The following LHFPL4 variants were observed in gnomAD, a reference collection of about 807,000 sequenced individuals.
LHFPL4 encodes LHFPL tetraspan subfamily member 4 protein.
Under a neutral mutation model 20.0 loss-of-function variants are expected in LHFPL4, and 6 were observed. That is an observed-to-expected ratio of 0.30 (90% CI 0.16 to 0.59). The LOEUF is 0.59. Among genes scored for constraint, LHFPL4 ranks in the 20% least tolerant of loss-of-function variants. LHFPL4 has a pLI of 0.88. For synonymous variants in LHFPL4, 129 were observed against 143.8 expected, an observed-to-expected ratio of 0.90 and a Z score of 0.74; for missense variants, 215 against 331.2, an observed-to-expected ratio of 0.65 and a Z score of 2.72.
intron 2 of LHFPL4, among the ~76,000 whole-genome samples, chr3:9,545,004 C>T (rs920121953): frequency 3.9e-5 from 6 of 152,074 alleles, no homozygotes; most frequent in African/African-American, 1.2e-4. Flanking sequence ...CTATGAGCTC[C>T]CTGGGAGCAA....
At chr3:9,523,555 C>A (rs1226838925) in intron 2 of LHFPL4, among the ~76,000 whole-genome samples, 6 of 151,676 alleles carry the variant, frequency 4.0e-5, no homozygotes, top group African/African-American at 1.2e-4. Flanking sequence ...TCACTGCAAC[C>A]TCCGCCTCCC....
rs151121192 is a variant in LHFPL4 at position 9,541,220 on chromosome 3, G to T, written c.406+11054C>A. Among the ~76,000 whole-genome samples the T allele has an allele frequency of 5.5e-3, 841 of 152,168 alleles. 1 individual carries two copies. Among genetic ancestry groups the T allele is most frequent in the Non-Finnish European group, 9.7e-3 (657 of 68,018 alleles). On this transcript the variant is annotated intron_variant, in intron 2 of 3. Coordinates refer to ENST00000287585, the MANE Select transcript of LHFPL4 (RefSeq NM_198560.3). ...GCCTCCCAAAGTGCTGGGGTTACAG[G>T]CGTGAGCCACCGCACCCGGCAAAAT...
chr3:9,513,163 T>C (rs1481505032), intron 2 of LHFPL4, among the ~76,000 whole-genome samples: 1 of 152,134 alleles, frequency 6.6e-6, no homozygotes, highest in African/African-American at 2.4e-5. Context: ...GGTTTCACCG[T>C]GTTAACCAGG....
intron 2 of LHFPL4, among the ~76,000 whole-genome samples, chr3:9,534,590 A>G (rs1559521328): frequency 6.6e-6 from 1 of 152,208 alleles, no homozygotes; most frequent in Non-Finnish European, 1.5e-5. Flanking sequence ...GGGTAGCTGG[A>G]GGAGCAGATT....
At chr3:9,538,784 C>T (rs546243966) in intron 2 of LHFPL4, among the ~76,000 whole-genome samples, 9 of 151,856 alleles carry the variant, frequency 5.9e-5, no homozygotes, top group African/African-American at 9.7e-5. Context: ...CTGCAACCTC[C>T]GCCTCCCTGG....
At position 9,501,179 on chromosome 3, in the gene LHFPL4, G is replaced by C. The variant is rs2046169738; in HGVS notation, c.*1032C>G. Reference sequence around the variant, plus strand: ...CTGCAAGTTCAAGTTATGCAGAAAAGTATCAAAGAGACAAGACAGTCTCTG... The same window carrying C: ...CTGCAAGTTCAAGTTATGCAGAAAACTATCAAAGAGACAAGACAGTCTCTG... On this transcript the variant is annotated 3_prime_UTR_variant, in exon 4 of 4. Transcript: ENST00000287585. 1 of 152,782 alleles carries C rather than the reference G, an allele frequency of 6.5e-6. No homozygotes were observed. The highest frequency in any genetic ancestry group is 2.4e-5 in the African/African-American group (1 of 41,436). The allele number at this position is 152,782 out of a possible 1,614,324, so 9.5% of individuals were successfully genotyped here.
chr3:9,549,060 T>G (rs369536036), intron 2 of LHFPL4, among the ~76,000 whole-genome samples: 1 of 152,234 alleles, frequency 6.6e-6, no homozygotes, highest in Non-Finnish European at 1.5e-5. Flanking sequence ...CAAATACTCC[T>G]GACTTTCAAA....
intron 2 of LHFPL4, among the ~76,000 whole-genome samples, chr3:9,545,697 CAG>C (rs1311938785): frequency 6.6e-6 from 1 of 151,882 alleles, no homozygotes; most frequent in Non-Finnish European, 1.5e-5. Context: ...GCCTGGGCAA[CAG>C]AGTGAGACTC....
intron 3 of LHFPL4, 90 bp from the exon 4 acceptor site, chr3:9,502,401 G>C: frequency 1.1e-6 from 1 of 929,324 alleles, no homozygotes; most frequent in Non-Finnish European, 1.7e-6. Context: ...ACATTCCCCA[G>C]GGCACAAGTG....
chr3:9,515,061 T>G (rs1009809495), intron 2 of LHFPL4, among the ~76,000 whole-genome samples: 5 of 152,208 alleles, frequency 3.3e-5, no homozygotes, highest in Non-Finnish European at 7.3e-5. Flanking sequence ...GTACATTTAT[T>G]TTTATAAGAA....
At chr3:9,512,551 A>G (rs2046268261) in intron 2 of LHFPL4, among the ~76,000 whole-genome samples, 1 of 152,168 alleles carries the variant, frequency 6.6e-6, no homozygotes, top group Non-Finnish European at 1.5e-5. Context: ...CACAATATCT[A>G]TTCATCCCTT....
intron 2 of LHFPL4, among the ~76,000 whole-genome samples, chr3:9,523,704 C>G (rs1273880199): frequency 6.6e-6 from 1 of 152,048 alleles, no homozygotes; most frequent in Non-Finnish European, 1.5e-5. Flanking sequence ...AACTCCTGAC[C>G]TCAGGTAATC....
chr3:9,510,622 T>C (rs1286305501), intron 2 of LHFPL4, among the ~76,000 whole-genome samples: 1 of 151,886 alleles, frequency 6.6e-6, no homozygotes, highest in Non-Finnish European at 1.5e-5. Flanking sequence ...ATATTTTTAA[T>C]ATTGTGATAC....
chr3:9,551,288 C>G (rs1271207579), intron 2 of LHFPL4, among the ~76,000 whole-genome samples: 4 of 152,164 alleles, frequency 2.6e-5, no homozygotes, highest in Non-Finnish European at 5.9e-5. Context: ...CCTTCTCTTT[C>G]TCATCCCTGG....
intron 2 of LHFPL4, among the ~76,000 whole-genome samples, chr3:9,508,860 C>A (rs1198815761): frequency 1.3e-5 from 2 of 152,326 alleles, no homozygotes; most frequent in African/African-American, 4.8e-5. Context: ...GCTCCTGCCT[C>A]CCTATTCCCG....
At chr3:9,510,231 A>C (rs1452782522) in intron 2 of LHFPL4, among the ~76,000 whole-genome samples, 1 of 152,026 alleles carries the variant, frequency 6.6e-6, no homozygotes, top group African/African-American at 2.4e-5. Context: ...TGGGAGGATC[A>C]CTTGAGGCCA....
intron 2 of LHFPL4, among the ~76,000 whole-genome samples, chr3:9,513,873 G>A (rs2046279747): frequency 6.6e-6 from 1 of 152,174 alleles, no homozygotes; most frequent in Non-Finnish European, 1.5e-5. Context: ...ATCTCCATTG[G>A]TTTTGGGGTG....
chr3:9,525,478 C>T (rs973012602), intron 2 of LHFPL4, among the ~76,000 whole-genome samples: 6 of 152,192 alleles, frequency 3.9e-5, no homozygotes, highest in Non-Finnish European at 5.9e-5. Context: ...TGTGACCTTA[C>T]GTCTCTCATG....
rs2046388447 is a variant in LHFPL4 at position 9,528,503 on chromosome 3, C to T, written c.407-22300G>A. Reference sequence around the variant, plus strand: ...GCCACACCTTCAGTTACTTCCTCCACTGAAGTATTCAGCTCCTCAAAGTCA... The same window carrying T: ...GCCACACCTTCAGTTACTTCCTCCATTGAAGTATTCAGCTCCTCAAAGTCA... On this transcript the variant is annotated intron_variant, in intron 2 of 3. Coordinates refer to ENST00000287585, the MANE Select transcript of LHFPL4 (RefSeq NM_198560.3). Among the ~76,000 whole-genome samples the T allele has an allele frequency of 2.6e-5, 4 of 152,310 alleles. No individual in the cohort carries two copies. In the South Asian group the frequency reaches 8.3e-4, roughly 32 times the overall value.
Sources: allele counts gnomAD v4.1 joint callset (sites outside exome capture counted in the v4.1 genomes callset), GRCh38; gene constraint gnomAD v4.1.1; transcripts MANE v1.5; gene names NCBI Gene and HGNC (gene_info 2026-07-23, HGNC 2026-07-21).